Variants in BICRAL observed in about 807,000 individuals in gnomAD.
BICRAL encodes BRD4-interacting chromatin-remodeling complex-associated protein-like.
A neutral mutation model predicts 91.8 loss-of-function variants in BICRAL; 8 were observed. The observed-to-expected ratio is 0.09, with a 90% confidence interval of 0.05 to 0.16. The LOEUF is 0.16. Among genes scored for constraint, BICRAL ranks in the 10% least tolerant of loss-of-function variants. The probability of loss-of-function intolerance (pLI) is 1.00; values close to 1 mark genes in which losing one functional copy is unlikely to be tolerated. For missense variants in BICRAL, 1,038 were observed against 1,310.9 expected, an observed-to-expected ratio of 0.79 and a Z score of 3.21; for synonymous variants, 445 against 491.1, an observed-to-expected ratio of 0.91 and a Z score of 1.24.
At chr6:42,863,110 C>A (rs577013526) in intron 12 of BICRAL, among the ~76,000 whole-genome samples, 1 of 146,756 alleles carries the variant, frequency 6.8e-6, no homozygotes, top group African/African-American at 2.5e-5. Flanking sequence ...AGTTCAGTGG[C>A]GGATCTTGGC....
At chr6:42,859,514 G>T (rs948031565) in intron 10 of BICRAL, among the ~76,000 whole-genome samples, 1 of 152,106 alleles carries the variant, frequency 6.6e-6, no homozygotes, top group South Asian at 2.1e-4. Context: ...TTAATGTAAA[G>T]CTGTGTCTTT....
chr6:42,832,242 G>A (rs571815896), intron 6 of BICRAL, among the ~76,000 whole-genome samples: 2 of 151,436 alleles, frequency 1.3e-5, no homozygotes, highest in African/African-American at 4.8e-5. Context: ...CAGCTACTTA[G>A]GAGGCTGAGG....
chr6:42,808,881 C>A (rs950456970), intron 1 of BICRAL, among the ~76,000 whole-genome samples: 1 of 152,060 alleles, frequency 6.6e-6, no homozygotes, highest in Non-Finnish European at 1.5e-5. Flanking sequence ...TGTCAGTATC[C>A]AAAACAAGCC....
chr6:42,862,599 A>T lies in BICRAL; in HGVS notation c.2439A>T (p.Ala813=). 3 of 1,595,244 alleles carry T rather than the reference A, an allele frequency of 1.9e-6. No individual in the cohort carries two copies. The highest frequency in any genetic ancestry group is 2.6e-6 in the Non-Finnish European group (3 of 1,163,018). Residue 813 remains alanine (A), a synonymous_variant, in exon 12 of 13, where the codon GCA becomes GCT. Transcript: ENST00000314073. ...CCCTGTCCCGAGACAAGCGTTTGGC[A>T]CTTGTAGACCCTGGTAAGAAACATC... The part of the protein sequence containing the change: ...RASLSRDKRL[A]LVDPEGFQAD...
intron 10 of BICRAL, among the ~76,000 whole-genome samples, chr6:42,857,604 AAAAAAAAAAAAT>A (rs1479365626): frequency 1.1e-5 from 1 of 93,362 alleles, no homozygotes; most frequent in African/African-American, 8.5e-5. Flanking sequence ...GTCTCTTAAA[AAAAAAAAAAAAT>A]ATATATATAT....
chr6:42,845,715 C>T lies in BICRAL; in HGVS notation c.1840-6377C>T, dbSNP rs141613865. Among the ~76,000 whole-genome samples, 1,486 of 151,998 alleles carry T rather than the reference C, an allele frequency of 9.8e-3. 12 individuals are homozygous for T. Among genetic ancestry groups the T allele is most frequent in the Admixed American group, 0.014 (215 of 15,228 alleles). ...AGCATTTAACAGCCACTGGCAGGTG[C>T]GCCGGTTTCCAATACTTAACAATAC... On this transcript the variant is annotated intron_variant, in intron 6 of 12. Transcript: ENST00000314073.
chr6:42,814,520 T>TATATATATATATATATA (rs1491538864), intron 2 of BICRAL, among the ~76,000 whole-genome samples: 2 of 41,180 alleles, frequency 4.9e-5, no homozygotes, highest in African/African-American at 2.2e-4. Flanking sequence ...TATATATATA[T>TATATATATATATATATA]TTTTTTTTTT....
intron 1 of BICRAL, among the ~76,000 whole-genome samples, chr6:42,803,135 T>C (rs1185270163): frequency 6.6e-6 from 1 of 152,220 alleles, no homozygotes; most frequent in African/African-American, 2.4e-5. Context: ...CCACAACTAT[T>C]ATTAATATAA....
At chr6:42,830,371 G>A (rs913767997) in intron 6 of BICRAL, among the ~76,000 whole-genome samples, 199 bp downstream of exon 6, 9 of 152,086 alleles carry the variant, frequency 5.9e-5, no homozygotes, top group Admixed American at 1.3e-4. Flanking sequence ...TTCGAGGCCA[G>A]CCTGGGCAAC....
At chr6:42,748,360 A>G (rs2152017567) in intron 1 of BICRAL, among the ~76,000 whole-genome samples, 2 of 152,252 alleles carry the variant, frequency 1.3e-5, no homozygotes, top group African/African-American at 4.8e-5. Flanking sequence ...GTAGCTAAAG[A>G]AGGTTTATTG....
At position 42,843,468 on chromosome 6, in the gene BICRAL, C is replaced by G. The variant is rs116286553; in HGVS notation, c.1840-8624C>G. ...CCATGATAAGAGCCAGTGTTGTAAT[C>G]TAAGCATGAAGTAGACCTACACTAG... On this transcript the variant is annotated intron_variant, in intron 6 of 12. Transcript: ENST00000314073. Among the ~76,000 whole-genome samples, 356 of 151,714 alleles carry G rather than the reference C, an allele frequency of 2.3e-3. 3 individuals are homozygous for G. The highest frequency in any genetic ancestry group is 7.0e-3 in the African/African-American group (288 of 41,346).
chr6:42,767,834 T>C (rs1035487673), intron 1 of BICRAL, among the ~76,000 whole-genome samples: 17 of 151,930 alleles, frequency 1.1e-4, no homozygotes, highest in African/African-American at 4.1e-4. Context: ...GAGGTGTCCA[T>C]AGGAAAGGAA....
intron 8 of BICRAL, among the ~76,000 whole-genome samples, chr6:42,854,983 G>A (rs766048299): frequency 3.9e-5 from 6 of 152,140 alleles, no homozygotes; most frequent in African/African-American, 7.2e-5. Context: ...AGACAGTTTC[G>A]TTTCCATCAG....
At chr6:42,757,588 T>C (rs1762482140) in intron 1 of BICRAL, among the ~76,000 whole-genome samples, 1 of 152,138 alleles carries the variant, frequency 6.6e-6, no homozygotes, top group Admixed American at 6.5e-5. Context: ...GGTTTTGCCA[T>C]GTTGGCCAGA....
intron 6 of BICRAL, among the ~76,000 whole-genome samples, chr6:42,848,400 G>A (rs565195164): frequency 1.3e-5 from 2 of 152,216 alleles, no homozygotes; most frequent in East Asian, 1.9e-4. Flanking sequence ...CAGTGACAGA[G>A]CAAGACCCTA....
At chr6:42,847,777 G>T (rs904499528) in intron 6 of BICRAL, among the ~76,000 whole-genome samples, 9 of 151,550 alleles carry the variant, frequency 5.9e-5, no homozygotes, top group Non-Finnish European at 1.2e-4. Flanking sequence ...ACAAAAATTA[G>T]CCGGGTGTGG....
Position 42,867,183 on chromosome 6 carries a change from G to T in BICRAL, c.*1737G>T. On this transcript the variant is annotated 3_prime_UTR_variant, in exon 13 of 13. Transcript: ENST00000314073. ...AGATTGGCCTGTGATGGAAAGGAAG[G>T]CTTCTAATTAGAAAACACAGCAACA... 4.7e-6 allele frequency: 1 copy of T among 214,314 alleles called. No homozygotes were observed. The highest frequency in any genetic ancestry group is 9.5e-6 in the Non-Finnish European group (1 of 104,756). 13.3% of individuals were successfully genotyped at this position (214,314 alleles called of 1,614,324 possible).
intron 6 of BICRAL, among the ~76,000 whole-genome samples, chr6:42,848,046 G>T (rs1204542830): frequency 6.6e-6 from 1 of 151,894 alleles, no homozygotes; most frequent in Non-Finnish European, 1.5e-5. Flanking sequence ...GGAGAACGGC[G>T]TGAACCCAGG....
Position 42,852,976 on chromosome 6 carries a change from G to C in BICRAL, c.1946-662G>C, listed in dbSNP as rs1297667010. Among the ~76,000 whole-genome samples the C allele has an allele frequency of 2.7e-5, 4 of 149,340 alleles. No homozygotes were observed. In the East Asian group the frequency reaches 8.0e-4, roughly 30 times the overall value. On this transcript the variant is annotated intron_variant, in intron 7 of 12. Transcript: ENST00000314073. ...GCTACCCAGGAGGCTGAGGCAGGAGGATCACCTGAGCCTGGGAGGTCGAGG... is the reference window on the plus strand; with the variant it reads ...GCTACCCAGGAGGCTGAGGCAGGAGCATCACCTGAGCCTGGGAGGTCGAGG...
Sources: allele counts gnomAD v4.1 joint callset (sites outside exome capture counted in the v4.1 genomes callset), GRCh38; gene constraint gnomAD v4.1.1; transcripts MANE v1.5; gene names NCBI Gene and HGNC (gene_info 2026-07-23, HGNC 2026-07-21).